The following PRR16 variants were observed in gnomAD, a reference collection of about 807,000 sequenced individuals.
PRR16 encodes protein Largen.
A neutral mutation model predicts 18.2 loss-of-function variants in PRR16; 6 were observed. The observed-to-expected ratio is 0.33, with a 90% CI of 0.18 to 0.65. PRR16 has a LOEUF of 0.65. PRR16 is among the 30% of genes least tolerant of loss of function. PRR16 has a pLI of 0.74. For synonymous variants in PRR16, 151 were observed against 147.8 expected (o/e 1.02, Z -0.16); for missense variants, 412 against 376.6 (o/e 1.09, Z -0.78).
intron 1 of PRR16, among the ~76,000 whole-genome samples, chr5:120,483,046 C>T (rs778121473): frequency 5.3e-5 from 8 of 152,066 alleles, no homozygotes; most frequent in Admixed American, 2.0e-4. Flanking sequence ...ATAAATCAAC[C>T]GTGACATTTC....
chr5:120,682,418 G>A (rs1231548093), intron 1 of PRR16, among the ~76,000 whole-genome samples: 7 of 152,084 alleles, frequency 4.6e-5, no homozygotes, highest in African/African-American at 7.2e-5. Flanking sequence ...TGAAAGCAGT[G>A]TTTTGTTTGT....
chr5:120,550,795 G>A (rs999512084), intron 1 of PRR16, among the ~76,000 whole-genome samples: 1 of 151,942 alleles, frequency 6.6e-6, no homozygotes, highest in Non-Finnish European at 1.5e-5. Flanking sequence ...AAAATTCAGT[G>A]TGCCTAAAGC....
intron 1 of PRR16, among the ~76,000 whole-genome samples, chr5:120,558,738 G>A (rs1476003875): frequency 6.6e-6 from 1 of 151,850 alleles, no homozygotes; most frequent in Non-Finnish European, 1.5e-5. Flanking sequence ...TCTCCATGGT[G>A]GTCATACTAA....
the PRR16 span, among the ~76,000 whole-genome samples, chr5:120,699,452 T>G: frequency 6.1e-4 from 93 of 152,086 alleles, 1 homozygote; most frequent in African/African-American, 2.1e-3. Context: ...GTGGTATCAG[T>G]AATAATGTGG....
intron 1 of PRR16, among the ~76,000 whole-genome samples, chr5:120,681,911 A>G (rs1305001340): frequency 1.3e-5 from 2 of 152,132 alleles, no homozygotes; most frequent in African/African-American, 4.8e-5. Flanking sequence ...TCACTATGGT[A>G]TGTCTGAGTG....
chr5:120,672,083 G>T (rs1756626052), intron 1 of PRR16, among the ~76,000 whole-genome samples: 3 of 152,088 alleles, frequency 2.0e-5, no homozygotes, highest in African/African-American at 7.2e-5. Flanking sequence ...AACCTTAAGG[G>T]GCTAATTACA....
chr5:120,696,459 G>C, the PRR16 span, among the ~76,000 whole-genome samples: 1 of 152,240 alleles, frequency 6.6e-6, no homozygotes, highest in East Asian at 1.9e-4. Flanking sequence ...TTGTATTCAA[G>C]TTGAAGAAAT....
chr5:120,781,035 C>A, the PRR16 span, among the ~76,000 whole-genome samples: 636 of 152,130 alleles, frequency 4.2e-3, 11 homozygotes, highest in African/African-American at 0.014. Context: ...GGCAACAGAG[C>A]GAGACTCCAT....
intron 1 of PRR16, among the ~76,000 whole-genome samples, chr5:120,580,469 TTTTG>T (rs1455350101): frequency 2.0e-5 from 3 of 150,326 alleles, no homozygotes; most frequent in African/African-American, 4.9e-5. Flanking sequence ...TTTTTTTTTT[TTTTG>T]AGACAGGATC....
At chr5:120,607,235 G>C (rs1028071397) in intron 1 of PRR16, among the ~76,000 whole-genome samples, 1 of 152,074 alleles carries the variant, frequency 6.6e-6, no homozygotes, top group Non-Finnish European at 1.5e-5. Flanking sequence ...ATATATCTTA[G>C]ATTTCTTTTT....
intron 1 of PRR16, among the ~76,000 whole-genome samples, chr5:120,676,629 G>T (rs1324216155): frequency 2.0e-5 from 3 of 151,968 alleles, no homozygotes. Context: ...TGCTTGAGAT[G>T]TTTCAGACAG....
intron 1 of PRR16, among the ~76,000 whole-genome samples, chr5:120,490,106 T>C (rs1580637464): frequency 6.6e-6 from 1 of 152,148 alleles, no homozygotes; most frequent in South Asian, 2.1e-4. Context: ...ATTTCAACTT[T>C]GGTGAGTCTG....
chr5:120,601,477 G>A (rs1423746339), intron 1 of PRR16, among the ~76,000 whole-genome samples: 1 of 151,988 alleles, frequency 6.6e-6, no homozygotes, highest in Non-Finnish European at 1.5e-5. Flanking sequence ...ACCTTTGTCA[G>A]ATGCATAGTT....
At chr5:120,628,739 TATCTATCTATC>T (rs1754958765) in intron 1 of PRR16, among the ~76,000 whole-genome samples, 1 of 144,134 alleles carries the variant, frequency 6.9e-6, no homozygotes, top group Admixed American at 7.0e-5. Context: ...TCTATCTATC[TATCTATCTATC>T]ATCTATCTGT....
At chr5:120,633,255 A>T (rs1032773835) in intron 1 of PRR16, among the ~76,000 whole-genome samples, 3 of 152,180 alleles carry the variant, frequency 2.0e-5, no homozygotes, top group Non-Finnish European at 4.4e-5. Context: ...ATACACCAAA[A>T]TAGAATCTCC....
chr5:120,531,276 G>A (rs1427391445), intron 1 of PRR16, among the ~76,000 whole-genome samples: 1 of 152,030 alleles, frequency 6.6e-6, no homozygotes, highest in African/African-American at 2.4e-5. Flanking sequence ...TTTTAGTGGT[G>A]GTAGTTTGAT....
chr5:120,719,915 T>C, the PRR16 span, among the ~76,000 whole-genome samples: 1 of 152,016 alleles, frequency 6.6e-6, no homozygotes, highest in Non-Finnish European at 1.5e-5. Context: ...AACATTTATC[T>C]AAAATAAAAT....
the PRR16 span, among the ~76,000 whole-genome samples, chr5:120,722,188 A>C: frequency 1.3e-5 from 2 of 152,078 alleles, no homozygotes; most frequent in Non-Finnish European, 2.9e-5. Context: ...ATGTCCCTGC[A>C]AAGGATATGA....
intron 1 of PRR16, among the ~76,000 whole-genome samples, chr5:120,480,041 G>T (rs1749559590): frequency 6.6e-6 from 1 of 152,028 alleles, no homozygotes. Flanking sequence ...ATTTTTTCGG[G>T]AGATTTATAT....
Sources: gnomAD v4.1 joint callset for allele counts (sites outside exome capture counted in the v4.1 genomes callset) on GRCh38, gnomAD v4.1.1 for gene constraint, MANE v1.5 for transcripts, NCBI Gene and HGNC (gene_info 2026-07-23, HGNC 2026-07-21) for gene names.